Variants in SDK2 observed in about 807,000 individuals in gnomAD.
SDK2 encodes the protein sidekick cell adhesion molecule 2.
A neutral mutation model predicts 253.9 loss-of-function variants in SDK2; 105 were observed. The observed-to-expected ratio is 0.41, with a 90% CI of 0.35 to 0.49. The LOEUF (loss-of-function observed/expected upper bound fraction) is 0.49. Ranked by LOEUF, SDK2 falls within the 20% of genes least tolerant of loss-of-function variation. The pLI is 0.06. For synonymous variants in SDK2, 1,249 were observed against 1,234.9 expected (o/e 1.01, Z -0.24); for missense variants, 2,608 against 3,003.0 (o/e 0.87, Z 3.07).
At position 73,405,498 on chromosome 17, in the gene SDK2, ATATATATATATATAT is replaced by A. The variant is rs1568385710; in HGVS notation, c.2485-3372_2485-3358del. Among the ~76,000 whole-genome samples, 68 of 100,946 alleles carry A rather than the reference ATATATATATATATAT, an allele frequency of 6.7e-4. 7 individuals are homozygous for A. The highest frequency in any genetic ancestry group is 1.2e-3 in the South Asian group (3 of 2,574). The allele number at this position is 100,946 out of a possible 152,430, so 66.2% of individuals were successfully genotyped here. A position where few individuals can be genotyped will look rare whatever the true frequency, so the allele number is the denominator to read the frequency against. On this transcript the variant is annotated intron_variant, in intron 18 of 44. Coordinates refer to ENST00000392650, the MANE Select transcript of SDK2 (RefSeq NM_001144952.2). Reference sequence around the variant, plus strand: ...TATATATATATATATATATATATATATATATATATATATATATATAAAGATCGAGAATGTGGAAAG... The same window carrying A: ...TATATATATATATATATATATATATAATATAAAGATCGAGAATGTGGAAAG...
intron 1 of SDK2, among the ~76,000 whole-genome samples, chr17:73,540,301 A>G (rs936623657): frequency 2.0e-5 from 3 of 152,214 alleles, no homozygotes; most frequent in African/African-American, 7.2e-5. Flanking sequence ...GCCACTCAGC[A>G]TGTGACTTTG....
chr17:73,452,451 T>A (rs991183544), intron 4 of SDK2, among the ~76,000 whole-genome samples: 4 of 152,028 alleles, frequency 2.6e-5, no homozygotes, highest in African/African-American at 9.7e-5. Flanking sequence ...TGCGGTGGTG[T>A]GCAGGGGCTG....
intron 1 of SDK2, among the ~76,000 whole-genome samples, chr17:73,590,117 CAG>C (rs2145897290): frequency 6.6e-6 from 1 of 152,338 alleles, no homozygotes; most frequent in African/African-American, 2.4e-5. Context: ...CATCAGGAAA[CAG>C]GGAGCCGATG....
chr17:73,423,912 T>C lies in SDK2; in HGVS notation c.1760+4A>G. ...CTGCCGGGGTCTGGGAGGGCTGCCC[T>C]TACCTGACTCGCAGGTGGGCACTGC... On this transcript the variant is annotated splice_donor_region_variant and intron_variant, in intron 13 of 44. Coordinates refer to ENST00000392650, the MANE Select transcript of SDK2 (RefSeq NM_001144952.2). 6.4e-7 allele frequency: 1 copy of C among 1,563,098 alleles called. No homozygotes were observed. The highest frequency in any genetic ancestry group is 2.4e-5 in the East Asian group (1 of 42,318).
chr17:73,397,972 T>G, intron 24 of SDK2, 63 bp downstream of exon 24: 1 of 1,566,504 alleles, frequency 6.4e-7, no homozygotes, highest in Non-Finnish European at 8.7e-7. Flanking sequence ...ATGTGCACCT[T>G]CTAGGAGGCA....
At chr17:73,391,374 C>T in intron 28 of SDK2, 66 bp downstream of exon 28, 1 of 937,888 alleles carries the variant, frequency 1.1e-6, no homozygotes, top group Non-Finnish European at 1.4e-6. Flanking sequence ...AACGAAGTGG[C>T]CTCCTTTGCA....
chr17:73,484,823 T>A (rs546089874), intron 2 of SDK2, among the ~76,000 whole-genome samples: 1 of 152,226 alleles, frequency 6.6e-6, no homozygotes, highest in Non-Finnish European at 1.5e-5. Context: ...CCTCCCCCAC[T>A]TTTCTTTCTT....
chr17:73,635,365 G>A (rs770002432), intron 1 of SDK2, among the ~76,000 whole-genome samples: 2 of 152,132 alleles, frequency 1.3e-5, no homozygotes, highest in Admixed American at 6.5e-5. Context: ...CTCACGGCTC[G>A]AAGCAGCAAA....
chr17:73,487,020 GCCT>G (rs1457854290), intron 2 of SDK2, among the ~76,000 whole-genome samples: 1 of 152,178 alleles, frequency 6.6e-6, no homozygotes, highest in African/African-American at 2.4e-5. Context: ...TGCAACCTCT[GCCT>G]CCCAGATTTA....
intron 4 of SDK2, among the ~76,000 whole-genome samples, chr17:73,454,189 C>G (rs180860749): frequency 1.5e-3 from 230 of 152,328 alleles, no homozygotes; most frequent in African/African-American, 5.3e-3. Context: ...ACACATTTCT[C>G]AGAATGTATC....
At chr17:73,368,143 C>T (rs970872229) in intron 37 of SDK2, among the ~76,000 whole-genome samples, 2 of 151,862 alleles carry the variant, frequency 1.3e-5, no homozygotes, top group Admixed American at 6.6e-5. Flanking sequence ...GCTGACTGTC[C>T]GTCTGCAAGG....
At chr17:73,498,955 C>A (rs750502208) in intron 2 of SDK2, among the ~76,000 whole-genome samples, 6 of 152,172 alleles carry the variant, frequency 3.9e-5, no homozygotes, top group African/African-American at 9.7e-5. Flanking sequence ...GGTTGCCGAA[C>A]CTCTCTGAGC....
intron 1 of SDK2, among the ~76,000 whole-genome samples, chr17:73,544,968 C>A (rs373940550): frequency 9.3e-5 from 12 of 129,516 alleles, no homozygotes; most frequent in African/African-American, 3.7e-4. Context: ...CCCAAGCACA[C>A]CCCCTTGTCA....
intron 34 of SDK2, 55 bp downstream of exon 34, chr17:73,380,839 C>G: frequency 6.7e-7 from 1 of 1,485,828 alleles, no homozygotes. Context: ...GGCCCCACTC[C>G]CAATCCCCTG....
intron 28 of SDK2, among the ~76,000 whole-genome samples, chr17:73,390,869 G>A (rs73345959): frequency 0.058 from 8,830 of 152,284 alleles, 857 homozygotes; most frequent in African/African-American, 0.2. Flanking sequence ...ATGTGGCATT[G>A]CTCTAGGGCA....
chr17:73,482,909 C>T (rs532468996), intron 2 of SDK2, among the ~76,000 whole-genome samples: 51 of 152,328 alleles, frequency 3.3e-4, no homozygotes, highest in Middle Eastern at 3.4e-3. Flanking sequence ...ACTTGACACA[C>T]GCTATCTGGT....
chr17:73,620,092 G>T (rs964515826), intron 1 of SDK2, among the ~76,000 whole-genome samples: 5 of 152,032 alleles, frequency 3.3e-5, no homozygotes, highest in African/African-American at 9.7e-5. Context: ...CCAGCTATGT[G>T]GGGGGCTGAG....
intron 2 of SDK2, among the ~76,000 whole-genome samples, chr17:73,490,634 C>T (rs908620805): frequency 2.8e-5 from 4 of 145,222 alleles, no homozygotes; most frequent in African/African-American, 7.7e-5. Context: ...TTCAAGTGAT[C>T]CCCCCAAGTA....
In SDK2 at chr17:73,465,534, TG is replaced by T. The variant is rs2145681506; in HGVS notation, c.331+6577del. The stretch of plus-strand genomic sequence containing the variant: ...CCTCTTAGCCATTCATCCCACATGC[TG>T]AATGCTGGAAATTTATGGTGACTTA... On this transcript the variant is annotated intron_variant, in intron 3 of 44. Transcript: ENST00000392650. The surrounding 1 kb of genome is among the most constrained non-coding windows in gnomAD (Gnocchi z 4.2). Among the ~76,000 whole-genome samples the T allele has an allele frequency of 6.6e-6, 1 of 151,880 alleles. No individual in the cohort carries two copies. Among genetic ancestry groups the T allele is most frequent in the East Asian group, 1.9e-4 (1 of 5,142 alleles).
Sources: gnomAD v4.1 joint callset for allele counts (sites outside exome capture counted in the v4.1 genomes callset) on GRCh38, gnomAD v4.1.1 for gene constraint, Gnocchi (gnomAD v3.1) non-coding constraint, MANE v1.5 for transcripts, NCBI Gene and HGNC (gene_info 2026-07-23, HGNC 2026-07-21) for gene names.